GNG7: variants seen among roughly 807,000 people sequenced by gnomAD.
GNG7 encodes the protein G protein subunit gamma 7.
In GNG7, 1 loss-of-function variant was observed where a neutral mutation model predicts 4.0. The observed-to-expected ratio is 0.25, with a 90% confidence interval of 0.09 to 1.18. The LOEUF is 1.18. Among genes scored for constraint, GNG7 ranks in the 50% most tolerant of loss-of-function variants. GNG7 has a pLI of 0.50. For missense variants in GNG7, 86 were observed against 91.9 expected, an observed-to-expected ratio of 0.94 and a Z score of 0.26; for synonymous variants, 34 against 36.9, an observed-to-expected ratio of 0.92 and a Z score of 0.29.
At chr19:2,649,034 G>T (rs1468301100) in intron 1 of GNG7, among the ~76,000 whole-genome samples, 2 of 151,632 alleles carry the variant, frequency 1.3e-5, no homozygotes, top group Non-Finnish European at 2.9e-5. Context: ...GCCTACAGGT[G>T]GGCATCACTG....
At position 2,557,626 on chromosome 19, in the gene GNG7, G is replaced by A. The variant is rs111858996; in HGVS notation, c.-77-2438C>T. Among the ~76,000 whole-genome samples, 46 of 51,152 alleles carry A rather than the reference G, an allele frequency of 9.0e-4. No individual in the cohort carries two copies. Among genetic ancestry groups the A allele is most frequent in the Non-Finnish European group, 4.1e-4 (11 of 27,104 alleles). 33.6% of individuals were successfully genotyped at this position (51,152 alleles called of 152,430 possible). Reference sequence around the variant, plus strand: ...ACTTCTGACCCATCACAAACTCTGAGTCAAAGTGCGATGTGCCCAGGCCAG... The same window carrying A: ...ACTTCTGACCCATCACAAACTCTGAATCAAAGTGCGATGTGCCCAGGCCAG... On this transcript the variant is annotated intron_variant, in intron 2 of 4. Coordinates refer to ENST00000382159, the MANE Select transcript of GNG7 (RefSeq NM_052847.3). The surrounding 1 kb of genome is among the most constrained non-coding windows in gnomAD (Gnocchi z 5.1).
At chr19:2,538,076 C>CAAACAAAAA (rs1978804961) in intron 3 of GNG7, 1 of 433,092 alleles carries the variant, frequency 2.3e-6, no homozygotes. Context: ...GACTCTCTCT[C>CAAACAAAAA]AAACAAAACA....
chr19:2,536,839 C>T (rs1414278143), intron 3 of GNG7, among the ~76,000 whole-genome samples: 1 of 152,114 alleles, frequency 6.6e-6, no homozygotes, highest in African/African-American at 2.4e-5. Flanking sequence ...GAGGGGCTCT[C>T]TTGGCCTTGG....
At chr19:2,589,851 G>A (rs1010694099) in intron 2 of GNG7, among the ~76,000 whole-genome samples, 7 of 152,046 alleles carry the variant, frequency 4.6e-5, no homozygotes, top group African/African-American at 9.7e-5. Flanking sequence ...TCGCTCTGTC[G>A]CCCAGGCTGG....
intron 1 of GNG7, among the ~76,000 whole-genome samples, chr19:2,651,271 TCCCTCCCTCCCTCCATCCCTCCCTCCCTA>T (rs1982809401): frequency 4.5e-4 from 36 of 79,782 alleles, no homozygotes; most frequent in African/African-American, 1.3e-3. Flanking sequence ...CTTCCTTCCT[TCCCTCCCTCCCTCCATCCCTCCCTCCCTA>T]CCTTCCCTCC....
At chr19:2,515,349 C>T (rs1246643927) in intron 4 of GNG7, among the ~76,000 whole-genome samples, 1 of 152,160 alleles carries the variant, frequency 6.6e-6, no homozygotes, top group Non-Finnish European at 1.5e-5. Context: ...ACATAGGCCA[C>T]AACGTGGATG....
chr19:2,550,821 C>T (rs1979293558), intron 3 of GNG7, among the ~76,000 whole-genome samples: 1 of 152,188 alleles, frequency 6.6e-6, no homozygotes, highest in African/African-American at 2.4e-5. Context: ...GGAATTGGAG[C>T]AGTGGACCTG....
rs150842464 is a variant in GNG7, at chr19:2,558,817, T to G, written c.-77-3629A>C. Among the ~76,000 whole-genome samples the G allele has an allele frequency of 4.0e-3, 606 of 151,962 alleles. 4 individuals carry two copies. The highest frequency in any genetic ancestry group is 0.024 in the South Asian group (115 of 4,790). ...CTTTTTATTTATTTATTATTTTTTT[T>G]GGGACAGGTGTCATTTTGTCACCCA... On this transcript the variant is annotated intron_variant, in intron 2 of 4. Coordinates refer to ENST00000382159, the MANE Select transcript of GNG7 (RefSeq NM_052847.3).
rs71337161 is a variant in GNG7, at chr19:2,633,470, GGCGC to G, written c.-78+12750_-78+12753del. Among the ~76,000 whole-genome samples, 2,988 of 132,424 alleles carry G rather than the reference GGCGC, an allele frequency of 0.023. 117 individuals carry two copies. The highest frequency in any genetic ancestry group is 0.089 in the African/African-American group (2,731 of 30,536). The allele number at this position is 132,424 out of a possible 152,430, so 86.9% of individuals were successfully genotyped here. A position where few individuals can be genotyped will look rare whatever the true frequency, so the allele number is the denominator to read the frequency against. ...CTGTTCAAGCGGTTGCTTAGCAACA[GGCGC>G]GCGCGCGCGCGCGCACACACACACA... is the stretch of plus-strand genomic sequence containing the variant. On this transcript the variant is annotated intron_variant, in intron 2 of 4. Transcript: ENST00000382159. The surrounding 1 kb of genome is among the most constrained non-coding windows in gnomAD (Gnocchi z 5.9).
At chr19:2,522,378 T>G (rs1199883265) in intron 3 of GNG7, among the ~76,000 whole-genome samples, 2 of 152,128 alleles carry the variant, frequency 1.3e-5, no homozygotes, top group Non-Finnish European at 2.9e-5. Flanking sequence ...ACCCTGTCTC[T>G]GTCATAACTC....
At chr19:2,537,229 A>G (rs137939566) in intron 3 of GNG7, among the ~76,000 whole-genome samples, 1,735 of 151,282 alleles carry the variant, frequency 0.011, 25 homozygotes, top group African/African-American at 0.039. Flanking sequence ...GATTACAAGC[A>G]TGAGCCACCG....
chr19:2,560,142 G>T (rs1979697005), intron 2 of GNG7, among the ~76,000 whole-genome samples: 1 of 152,098 alleles, frequency 6.6e-6, no homozygotes, highest in Non-Finnish European at 1.5e-5. Context: ...CGTGTCCAAG[G>T]ATAAGAGGGA....
chr19:2,547,402 G>A (rs961079835), intron 3 of GNG7, among the ~76,000 whole-genome samples: 2 of 151,974 alleles, frequency 1.3e-5, no homozygotes, highest in African/African-American at 2.4e-5. Flanking sequence ...CGTATCCCTC[G>A]GCTCGGGACC....
intron 2 of GNG7, among the ~76,000 whole-genome samples, chr19:2,628,534 T>TATA (rs1180902210): frequency 4.0e-5 from 6 of 151,048 alleles, no homozygotes; most frequent in African/African-American, 1.5e-4. Flanking sequence ...TGTATATATA[T>TATA]ATATAACATA....
intron 3 of GNG7, among the ~76,000 whole-genome samples, chr19:2,539,443 T>C (rs1338691389): frequency 6.6e-6 from 1 of 151,908 alleles, no homozygotes; most frequent in East Asian, 1.9e-4. Flanking sequence ...CAGCTGGGAT[T>C]ACAGGTGTCC....
At position 2,633,942 on chromosome 19, in the gene GNG7, G is replaced by T. The variant is rs889389321; in HGVS notation, c.-78+12282C>A. Among the ~76,000 whole-genome samples the T allele has an allele frequency of 9.9e-5, 15 of 152,088 alleles. No individual in the cohort carries two copies. Among genetic ancestry groups the T allele is most frequent in the Admixed American group, 2.0e-4 (3 of 15,272 alleles). On this transcript the variant is annotated intron_variant, in intron 2 of 4. Coordinates refer to ENST00000382159, the MANE Select transcript of GNG7 (RefSeq NM_052847.3). This position sits in a 1 kb window ranked among gnomAD's most constrained non-coding sequence, Gnocchi z 5.9. ...ATCGAGGCAGCCACAAATGTCTCCT[G>T]GGTGCAAAATTGCCCCGAGTTGAGA... is the stretch of plus-strand genomic sequence containing the variant.
At chr19:2,651,597 A>T (rs182445012) in intron 1 of GNG7, among the ~76,000 whole-genome samples, 15 of 104,568 alleles carry the variant, frequency 1.4e-4, no homozygotes, top group African/African-American at 1.9e-4. Context: ...AGACAGTCTC[A>T]CTCTGTCACC....
At chr19:2,667,744 G>A (rs1314543568) in intron 1 of GNG7, among the ~76,000 whole-genome samples, 3 of 152,056 alleles carry the variant, frequency 2.0e-5, no homozygotes, top group South Asian at 2.1e-4. Context: ...GTGAAACCCC[G>A]TCTCTACTAA....
chr19:2,645,818 G>C (rs1463510906), intron 2 of GNG7, among the ~76,000 whole-genome samples: 5 of 152,178 alleles, frequency 3.3e-5, no homozygotes, highest in African/African-American at 1.2e-4. Flanking sequence ...AAAACGAGGA[G>C]TAAATCAACA....
Sources: gnomAD v4.1 joint callset for allele counts (sites outside exome capture counted in the v4.1 genomes callset) on GRCh38, gnomAD v4.1.1 for gene constraint, Gnocchi (gnomAD v3.1) non-coding constraint, MANE v1.5 for transcripts, NCBI Gene and HGNC (gene_info 2026-07-23, HGNC 2026-07-21) for gene names.